The following INPP4B variants were observed in gnomAD, a reference collection of about 807,000 sequenced individuals.
INPP4B encodes inositol polyphosphate 4-phosphatase type II.
In INPP4B, 55 loss-of-function variants were observed where a neutral mutation model predicts 122.5. The ratio of observed to expected loss-of-function variants is 0.45; its 90% CI spans 0.36 to 0.56. INPP4B has a LOEUF of 0.56. INPP4B is among the 20% of genes least tolerant of loss of function. INPP4B has a pLI of 0.00. For missense variants in INPP4B, 1,000 were observed against 1,097.7 expected, an observed-to-expected ratio of 0.91 and a Z score of 1.26; for synonymous variants, 403 against 388.7, an observed-to-expected ratio of 1.04 and a Z score of -0.43.
chr4:142,415,357 C>T (rs1054488608), intron 5 of INPP4B, among the ~76,000 whole-genome samples: 3 of 151,956 alleles, frequency 2.0e-5, no homozygotes, highest in South Asian at 2.1e-4. Flanking sequence ...GGCTGGACTC[C>T]GAGTGAATGC....
chr4:142,555,155 T>C (rs1376179181), intron 2 of INPP4B, among the ~76,000 whole-genome samples: 2 of 152,058 alleles, frequency 1.3e-5, no homozygotes, highest in African/African-American at 2.4e-5. Context: ...CTGTGAACCA[T>C]AGCAACCCAA....
intron 18 of INPP4B, among the ~76,000 whole-genome samples, chr4:142,128,454 C>T (rs1443708055): frequency 6.6e-6 from 1 of 152,022 alleles, no homozygotes; most frequent in Non-Finnish European, 1.5e-5. Flanking sequence ...GTCACTGCCC[C>T]ACTATCTCTG....
intron 7 of INPP4B, among the ~76,000 whole-genome samples, chr4:142,358,494 A>G (rs1177866172): frequency 2.0e-5 from 3 of 151,852 alleles, no homozygotes; most frequent in African/African-American, 4.8e-5. Flanking sequence ...TTCCAGGAAC[A>G]CTGGATGAAC....
At chr4:142,263,639 AAT>A (rs36227189) in intron 10 of INPP4B, among the ~76,000 whole-genome samples, 1,654 of 41,762 alleles carry the variant, frequency 0.04, 38 homozygotes, top group South Asian at 0.11. Context: ...AAATTCGTAA[AAT>A]ATATATATAT....
intron 25 of INPP4B, among the ~76,000 whole-genome samples, chr4:142,076,488 G>A (rs1561034795): frequency 6.6e-6 from 1 of 151,952 alleles, no homozygotes; most frequent in Non-Finnish European, 1.5e-5. Context: ...TGAGATGAAG[G>A]TGACTCTCTC....
chr4:142,368,373 C>T (rs1788380926), intron 7 of INPP4B, among the ~76,000 whole-genome samples: 1 of 151,970 alleles, frequency 6.6e-6, no homozygotes, highest in Non-Finnish European at 1.5e-5. Context: ...TCATTTTCTT[C>T]CAATATTCAA....
intron 16 of INPP4B, among the ~76,000 whole-genome samples, chr4:142,171,740 G>A (rs1009132497): frequency 3.3e-5 from 5 of 151,874 alleles, no homozygotes; most frequent in East Asian, 1.9e-4. Flanking sequence ...TTTATTAGTC[G>A]ACTAAGCTTG....
chr4:142,136,542 A>C (rs1804364066), intron 18 of INPP4B, among the ~76,000 whole-genome samples: 2 of 152,198 alleles, frequency 1.3e-5, no homozygotes, highest in Non-Finnish European at 2.9e-5. Flanking sequence ...GCATGGGGAA[A>C]GCTTTGAAAG....
At chr4:142,135,801 ATGTT>A (rs989101483) in intron 18 of INPP4B, among the ~76,000 whole-genome samples, 3 of 151,430 alleles carry the variant, frequency 2.0e-5, no homozygotes, top group African/African-American at 4.9e-5. Flanking sequence ...TATTTTTTTA[ATGTT>A]TGTTTGTTTG....
chr4:142,581,897 C>T (rs986317878), intron 2 of INPP4B, among the ~76,000 whole-genome samples: 3 of 151,930 alleles, frequency 2.0e-5, no homozygotes, highest in Non-Finnish European at 4.4e-5. Flanking sequence ...GAGGTAATGG[C>T]TGGCATGAGA....
intron 25 of INPP4B, among the ~76,000 whole-genome samples, chr4:142,043,588 G>T (rs774842426): frequency 2.0e-5 from 3 of 151,694 alleles, no homozygotes; most frequent in Non-Finnish European, 4.4e-5. Flanking sequence ...ATGTATTTGG[G>T]AATGATTCAC....
chr4:142,648,812 G>A (rs181096734), intron 2 of INPP4B, among the ~76,000 whole-genome samples: 17 of 152,186 alleles, frequency 1.1e-4, no homozygotes, highest in Admixed American at 1.0e-3. Context: ...AGGCAGCAAC[G>A]TCCCTGTCTG....
chr4:142,170,713 T>C (rs1216040513), intron 16 of INPP4B, among the ~76,000 whole-genome samples: 1 of 151,828 alleles, frequency 6.6e-6, no homozygotes, highest in African/African-American at 2.4e-5. Flanking sequence ...TAGCTATTAC[T>C]GTCACTTCAA....
intron 2 of INPP4B, among the ~76,000 whole-genome samples, chr4:142,649,826 G>GTTGT (rs1378059704): frequency 6.6e-6 from 1 of 152,192 alleles, no homozygotes; most frequent in East Asian, 1.9e-4. Flanking sequence ...CCCCAACCTA[G>GTTGT]CAAAGCAGGC....
At chr4:142,564,574 C>T (rs1731229051) in intron 2 of INPP4B, among the ~76,000 whole-genome samples, 1 of 151,804 alleles carries the variant, frequency 6.6e-6, no homozygotes, top group South Asian at 2.1e-4. Context: ...AGGCTTAGGC[C>T]AGTAGTCCTC....
chr4:142,401,792 CCTT>C (rs1277419407), intron 7 of INPP4B, among the ~76,000 whole-genome samples: 20 of 152,190 alleles, frequency 1.3e-4, no homozygotes, highest in South Asian at 1.0e-3. Flanking sequence ...TCAGAATCTG[CCTT>C]CTTAAGAATT....
chr4:142,684,374 T>C (rs1759057756), intron 2 of INPP4B, among the ~76,000 whole-genome samples: 1 of 152,042 alleles, frequency 6.6e-6, no homozygotes, highest in Non-Finnish European at 1.5e-5. Context: ...AAAAGGCTCA[T>C]AGAATTTGTC....
At chr4:142,511,958 T>C (rs1824778180) in intron 2 of INPP4B, among the ~76,000 whole-genome samples, 1 of 152,166 alleles carries the variant, frequency 6.6e-6, no homozygotes, top group African/African-American at 2.4e-5. Context: ...ACTTTGAGAT[T>C]TGTTTGATAC....
At chr4:142,137,959 A>C (rs1334843557) in intron 18 of INPP4B, among the ~76,000 whole-genome samples, 2 of 152,168 alleles carry the variant, frequency 1.3e-5, no homozygotes, top group Admixed American at 6.5e-5. Flanking sequence ...TAGTTCAACC[A>C]TTGTGGAAGT....
Sources: allele counts gnomAD v4.1 joint callset (sites outside exome capture counted in the v4.1 genomes callset), GRCh38; gene constraint gnomAD v4.1.1; transcripts MANE v1.5; gene names NCBI Gene and HGNC (gene_info 2026-07-23, HGNC 2026-07-21).